Variants in ELOVL6 observed in about 807,000 individuals in gnomAD.
The protein encoded by ELOVL6 is very long chain fatty acid elongase 6.
A neutral mutation model predicts 31.7 loss-of-function variants in ELOVL6; 8 were observed. The observed-to-expected ratio is 0.25, with a 90% CI of 0.15 to 0.45. ELOVL6 has a LOEUF of 0.45. Ranked by LOEUF, ELOVL6 falls within the 20% of genes least tolerant of loss-of-function variation. ELOVL6 has a pLI of 1.00. For missense variants in ELOVL6, 126 were observed against 326.4 expected, an observed-to-expected ratio of 0.39 and a Z score of 4.73; for synonymous variants, 101 against 117.7, an observed-to-expected ratio of 0.86 and a Z score of 0.92.
At chr4:110,054,758 G>T (rs548410399) in intron 3 of ELOVL6, among the ~76,000 whole-genome samples, 1 of 152,258 alleles carries the variant, frequency 6.6e-6, no homozygotes, top group East Asian at 1.9e-4. Flanking sequence ...GAATGGCTTT[G>T]TGTTTCTCCT....
chr4:110,141,672 G>GTA (rs1382811556), intron 1 of ELOVL6, among the ~76,000 whole-genome samples: 6 of 147,694 alleles, frequency 4.1e-5, no homozygotes, highest in Admixed American at 2.7e-4. Context: ...TATATATAGT[G>GTA]TATATATATA....
chr4:110,115,561 T>A (rs1757146396), intron 1 of ELOVL6, among the ~76,000 whole-genome samples: 1 of 152,122 alleles, frequency 6.6e-6, no homozygotes, highest in South Asian at 2.1e-4. Flanking sequence ...CTGGGTAATA[T>A]GGTGAGAACC....
At chr4:110,098,128 G>A (rs4698809) in intron 2 of ELOVL6, among the ~76,000 whole-genome samples, 11,689 of 152,056 alleles carry the variant, frequency 0.077, 629 homozygotes, top group East Asian at 0.18. Context: ...AGTTGAACAC[G>A]GACAGAAAAG....
At chr4:110,074,184 G>A (rs1267762193) in intron 2 of ELOVL6, among the ~76,000 whole-genome samples, 2 of 152,182 alleles carry the variant, frequency 1.3e-5, no homozygotes, top group African/African-American at 2.4e-5. Flanking sequence ...TCTCTGATAT[G>A]AAATGGCTTG....
At chr4:110,075,446 T>A (rs1755602479) in intron 2 of ELOVL6, among the ~76,000 whole-genome samples, 1 of 152,126 alleles carries the variant, frequency 6.6e-6, no homozygotes, top group African/African-American at 2.4e-5. Context: ...GAAAAGAAGA[T>A]TATGACATAT....
intron 1 of ELOVL6, among the ~76,000 whole-genome samples, chr4:110,111,698 T>C (rs1374084444): frequency 6.6e-6 from 1 of 152,066 alleles, no homozygotes; most frequent in African/African-American, 2.4e-5. Flanking sequence ...CTGTGGAAGA[T>C]TTAAGAGTGG....
In ELOVL6 at chr4:110,104,370, C is replaced by CTG. The variant is rs1756829909; in HGVS notation, c.221+1126_221+1127insCA. Among the ~76,000 whole-genome samples, 10 of 152,200 alleles carry CTG rather than the reference C, an allele frequency of 6.6e-5. No individual in the cohort carries two copies. The South Asian group carries it at 2.1e-3, about 32-fold the overall frequency. ...AGATCCAAATCATGAGTACTTCAAA[C>CTG]CTAGGGCTTTAGAAATTGCACTGAA... On this transcript the variant is annotated intron_variant, in intron 2 of 3. Coordinates refer to ENST00000302274, the MANE Select transcript of ELOVL6 (RefSeq NM_024090.3).
chr4:110,141,094 G>A (rs754529443), intron 1 of ELOVL6, among the ~76,000 whole-genome samples: 5 of 151,882 alleles, frequency 3.3e-5, no homozygotes, highest in Non-Finnish European at 5.9e-5. Context: ...ATGGAGTTTC[G>A]TTCTTGTTGC....
In ELOVL6 at chr4:110,105,484, GA is replaced by G. The variant is rs748728557; in HGVS notation, c.221+12del. On this transcript the variant is annotated intron_variant, in intron 2 of 3. Transcript: ENST00000302274. ...AATGGATACGTTTTATTAGAAAAAT[GA>G]AAAAAACCTACCTGAAGACTGCAAG... The G allele has an allele frequency of 1.0e-5, 16 of 1,586,154 alleles. No individual in the cohort carries two copies. The highest frequency in any genetic ancestry group is 3.4e-4 in the Middle Eastern group (2 of 5,928).
At chr4:110,059,461 C>T (rs1399599645) in intron 3 of ELOVL6, 142 bp downstream of exon 3, 2 of 798,098 alleles carry the variant, frequency 2.5e-6, no homozygotes, top group East Asian at 5.4e-5. Flanking sequence ...AAGTAGAAGT[C>T]AGGCAAGAAC....
chr4:110,047,270 C>T lies in ELOVL6; in HGVS notation c.*4068G>A, dbSNP rs2126217030. 1 of 151,892 alleles carries T rather than the reference C, an allele frequency of 6.6e-6. No homozygotes were observed. Among genetic ancestry groups the T allele is most frequent in the South Asian group, 2.1e-4 (1 of 4,814 alleles). The allele number at this position is 151,892 out of a possible 1,614,324, so 9.4% of individuals were successfully genotyped here. ...AGGCAAAGTCTATTTGTTCTCTACT[C>T]TCCTCACAGCCTCTTGAATCAGACC... On this transcript the variant is annotated 3_prime_UTR_variant, in exon 4 of 4. Coordinates refer to ENST00000302274, the MANE Select transcript of ELOVL6 (RefSeq NM_024090.3).
At chr4:110,196,982 G>C (rs1402074425) in intron 1 of ELOVL6, among the ~76,000 whole-genome samples, 1 of 152,186 alleles carries the variant, frequency 6.6e-6, no homozygotes, top group Non-Finnish European at 1.5e-5. Flanking sequence ...TCGCAGCTGC[G>C]GCCCCGTGGC....
intron 1 of ELOVL6, among the ~76,000 whole-genome samples, chr4:110,143,450 G>GA (rs1230544535): frequency 7.9e-5 from 12 of 152,078 alleles, no homozygotes; most frequent in African/African-American, 2.9e-4. Context: ...ATTTTCAGAA[G>GA]AAAAATGTTA....
rs757680407 is a variant in ELOVL6 at position 110,198,362 on chromosome 4, T to C, written c.-27A>G. 2 of 1,344,430 alleles carry C rather than the reference T, an allele frequency of 1.5e-6. No individual in the cohort carries two copies. Among genetic ancestry groups the C allele is most frequent in the Non-Finnish European group, 2.1e-6 (2 of 939,050 alleles). The allele number at this position is 1,344,430 out of a possible 1,614,324, so 83.3% of individuals were successfully genotyped here. Reference sequence around the variant, plus strand: ...GGGGCTGATCTTCGGAGTCGCTACGTGTTCTCTATACAAAATAAAATAATC... The same window carrying C: ...GGGGCTGATCTTCGGAGTCGCTACGCGTTCTCTATACAAAATAAAATAATC... On this transcript the variant is annotated 5_prime_UTR_variant, in exon 1 of 4. Coordinates refer to ENST00000302274, the MANE Select transcript of ELOVL6 (RefSeq NM_024090.3).
chr4:110,105,654 A>T (rs749615915), intron 1 of ELOVL6, 26 bp from the exon 2 acceptor site: 2 of 1,602,260 alleles, frequency 1.2e-6, no homozygotes, highest in South Asian at 2.2e-5. Flanking sequence ...CAAAATCTTT[A>T]AGATATTTTT....
intron 2 of ELOVL6, among the ~76,000 whole-genome samples, chr4:110,104,060 T>A (rs1756822148): frequency 6.6e-6 from 1 of 152,186 alleles, no homozygotes. Context: ...TGTTGACAAT[T>A]GTTTAACCAA....
At chr4:110,164,963 C>T (rs1328308792) in intron 1 of ELOVL6, among the ~76,000 whole-genome samples, 4 of 151,866 alleles carry the variant, frequency 2.6e-5, no homozygotes, top group Non-Finnish European at 5.9e-5. Context: ...CTCAACCTCT[C>T]GAGGAGCTGG....
At chr4:110,112,974 C>T (rs1325997562) in intron 1 of ELOVL6, among the ~76,000 whole-genome samples, 1 of 152,132 alleles carries the variant, frequency 6.6e-6, no homozygotes, top group Non-Finnish European at 1.5e-5. Context: ...CCTGTAATCC[C>T]AGCACTTCGG....
intron 1 of ELOVL6, among the ~76,000 whole-genome samples, chr4:110,131,983 G>A (rs945640166): frequency 2.0e-5 from 3 of 152,220 alleles, no homozygotes; most frequent in African/African-American, 7.2e-5. Context: ...GGGAAGAGGT[G>A]CTTCTGCAGG....
Sources: gnomAD v4.1 joint callset for allele counts (sites outside exome capture counted in the v4.1 genomes callset) on GRCh38, gnomAD v4.1.1 for gene constraint, MANE v1.5 for transcripts, NCBI Gene and HGNC (gene_info 2026-07-23, HGNC 2026-07-21) for gene names.